The following SLC4A10 variants were observed in gnomAD, a reference collection of about 807,000 sequenced individuals.
SLC4A10 encodes the protein solute carrier family 4 member 10.
Under a neutral mutation model 137.7 loss-of-function variants are expected in SLC4A10, and 42 were observed. The ratio of observed to expected loss-of-function variants is 0.30; its 90% confidence interval spans 0.24 to 0.39. SLC4A10 has a LOEUF of 0.39. Among genes scored for constraint, SLC4A10 ranks in the 10% least tolerant of loss-of-function variants. The pLI is 1.00. For missense variants in SLC4A10, 925 were observed against 1,355.0 expected (o/e 0.68, Z 4.98); for synonymous variants, 474 against 464.1 (o/e 1.02, Z -0.27).
chr2:161,858,157 A>G lies in SLC4A10; in HGVS notation c.577+3027A>G, dbSNP rs1417175010. Among the ~76,000 whole-genome samples, 4 of 152,276 alleles carry G rather than the reference A, an allele frequency of 2.6e-5. No homozygotes were observed. In the South Asian group the frequency reaches 6.2e-4, roughly 24 times the overall value. On this transcript the variant is annotated intron_variant, in intron 5 of 26. Transcript: ENST00000446997. Reference sequence around the variant, plus strand: ...TACATTAGTCACTAGTTTCAGTTTTACAAACGCTAAGTGTAAGAGCTTACC... The same window carrying G: ...TACATTAGTCACTAGTTTCAGTTTTGCAAACGCTAAGTGTAAGAGCTTACC...
At chr2:161,836,536 GAAAGAAAGAAAGAAAGAA>G (rs1559358959) in intron 3 of SLC4A10, among the ~76,000 whole-genome samples, 24 of 8,744 alleles carry the variant, frequency 2.7e-3, no homozygotes, top group Admixed American at 7.1e-3. Flanking sequence ...GAGAGAGAAA[GAAAGAAAGAAAGAAAGAA>G]AGAAAGAAAG....
At chr2:161,955,789 T>C (rs1326373214) in intron 19 of SLC4A10, among the ~76,000 whole-genome samples, 4 of 152,200 alleles carry the variant, frequency 2.6e-5, no homozygotes, top group Admixed American at 6.6e-5. Context: ...CTTGAAGTTA[T>C]ATAAAACTAC....
Position 161,942,238 on chromosome 2 carries a change from T to C in SLC4A10, c.1998-554T>C, listed in dbSNP as rs1335592759. Among the ~76,000 whole-genome samples the C allele has an allele frequency of 2.0e-5, 3 of 152,316 alleles. No homozygotes were observed. In the East Asian group the frequency reaches 5.8e-4, roughly 29 times the overall value. On this transcript the variant is annotated intron_variant, in intron 15 of 26. Coordinates refer to ENST00000446997, the MANE Select transcript of SLC4A10 (RefSeq NM_001178015.2). ...ATGAAATTCTTCTCTATGAAAATGC[T>C]TTATGAAGGGCAAATAGCAAGTTTA...
chr2:161,900,771 C>G, intron 11 of SLC4A10, 140 bp from the exon 12 acceptor site: 1 of 569,742 alleles, frequency 1.8e-6, no homozygotes, highest in Non-Finnish European at 3.1e-6. Context: ...TCCTGGAGGT[C>G]AAGCAACAAG....
intron 1 of SLC4A10, among the ~76,000 whole-genome samples, chr2:161,670,301 CTT>C (rs554834566): frequency 6.8e-6 from 1 of 146,366 alleles, no homozygotes. Context: ...CTTTCATCTT[CTT>C]TTTTTTTTTC....
intron 1 of SLC4A10, among the ~76,000 whole-genome samples, chr2:161,657,006 A>T (rs1320263461): frequency 6.6e-6 from 1 of 152,106 alleles, no homozygotes; most frequent in Non-Finnish European, 1.5e-5. Flanking sequence ...GTAATATTTC[A>T]GGTGATATTC....
chr2:161,664,900 C>A (rs1485299837), intron 1 of SLC4A10, among the ~76,000 whole-genome samples: 1 of 151,626 alleles, frequency 6.6e-6, no homozygotes, highest in African/African-American at 2.4e-5. Context: ...GAAGCTTTGG[C>A]AAACAGTCTA....
intron 1 of SLC4A10, 134 bp downstream of exon 1, chr2:161,624,700 C>A: frequency 1.7e-6 from 2 of 1,193,896 alleles, no homozygotes; most frequent in Non-Finnish European, 2.4e-6. Flanking sequence ...GGACAGGGGT[C>A]TCCTCCCATC....
chr2:161,905,969 C>T (rs1684252684), intron 15 of SLC4A10, 82 bp downstream of exon 15: 2 of 1,480,750 alleles, frequency 1.4e-6, no homozygotes, highest in Admixed American at 2.5e-5. Context: ...GAGGAAATTA[C>T]TCAGCAGAGA....
At chr2:161,972,479 A>G (rs756950474) in intron 23 of SLC4A10, among the ~76,000 whole-genome samples, 37 of 152,172 alleles carry the variant, frequency 2.4e-4, no homozygotes, top group Non-Finnish European at 4.1e-4. Flanking sequence ...TTTCAAACCA[A>G]TGGTAATCTC....
At chr2:161,895,132 C>A (rs1012690250) in intron 11 of SLC4A10, among the ~76,000 whole-genome samples, 1 of 145,496 alleles carries the variant, frequency 6.9e-6, no homozygotes, top group East Asian at 2.1e-4. Flanking sequence ...TCTCATTGTT[C>A]AATTCCTATC....
At chr2:161,769,940 G>A (rs1395426800) in intron 1 of SLC4A10, among the ~76,000 whole-genome samples, 1 of 151,670 alleles carries the variant, frequency 6.6e-6, no homozygotes, top group Non-Finnish European at 1.5e-5. Flanking sequence ...CTCCAATGTA[G>A]TTGCTGGATA....
intron 1 of SLC4A10, among the ~76,000 whole-genome samples, chr2:161,651,746 G>A (rs57748464): frequency 5.9e-4 from 90 of 152,340 alleles, no homozygotes; most frequent in African/African-American, 1.8e-3. Flanking sequence ...ACAGCAGCTG[G>A]CATGCCTGGC....
At chr2:161,820,084 A>G (rs983882004) in intron 3 of SLC4A10, among the ~76,000 whole-genome samples, 4 of 145,756 alleles carry the variant, frequency 2.7e-5, no homozygotes, top group African/African-American at 1.1e-4. Context: ...TATTAAACAC[A>G]TGTTTAAAAT....
In SLC4A10 at chr2:161,624,459, G is replaced by C; in HGVS notation, c.-60G>C. The stretch of plus-strand genomic sequence containing the variant: ...TACTAAGCAGAGCGAGTGCCGGGCT[G>C]AGTGTAAGACACTGAAGACACTGCA... On this transcript the variant is annotated 5_prime_UTR_variant, in exon 1 of 27. Transcript: ENST00000446997. The C allele has an allele frequency of 6.4e-7, 1 of 1,550,588 alleles. No individual in the cohort carries two copies. Among genetic ancestry groups the C allele is most frequent in the Non-Finnish European group, 8.7e-7 (1 of 1,146,246 alleles).
intron 1 of SLC4A10, among the ~76,000 whole-genome samples, chr2:161,646,757 T>C (rs2036094533): frequency 6.6e-6 from 1 of 152,014 alleles, no homozygotes; most frequent in African/African-American, 2.4e-5. Flanking sequence ...ATTAATTTCT[T>C]CAAAATTAGA....
intron 1 of SLC4A10, 45 bp from the exon 2 acceptor site, chr2:161,770,928 T>C: frequency 7.3e-7 from 1 of 1,371,244 alleles, no homozygotes. Flanking sequence ...GAAATTGAGA[T>C]AATATGTGTG....
chr2:161,969,818 G>A lies in SLC4A10; in HGVS notation c.3160-4431G>A, dbSNP rs145302907. Among the ~76,000 whole-genome samples the A allele has an allele frequency of 2.0e-4, 30 of 152,278 alleles. No individual in the cohort carries two copies. In the East Asian group the frequency reaches 4.8e-3, roughly 24 times the overall value. ...TGCAACTAAACAAATTACAGAGGACGACTTACTGCTAAGATAGGTCAGAAT... is the reference window on the plus strand; with the variant it reads ...TGCAACTAAACAAATTACAGAGGACAACTTACTGCTAAGATAGGTCAGAAT... On this transcript the variant is annotated intron_variant, in intron 23 of 26. Transcript: ENST00000446997.
chr2:161,691,669 A>T (rs2042015120), intron 1 of SLC4A10, among the ~76,000 whole-genome samples: 1 of 152,154 alleles, frequency 6.6e-6, no homozygotes, highest in South Asian at 2.1e-4. Flanking sequence ...GCTCTTATAT[A>T]CGCAATTCTG....
Sources: allele counts gnomAD v4.1 joint callset (sites outside exome capture counted in the v4.1 genomes callset), GRCh38; gene constraint gnomAD v4.1.1; transcripts MANE v1.5; gene names NCBI Gene and HGNC (gene_info 2026-07-23, HGNC 2026-07-21).